The following PSPH variants were observed in gnomAD, a reference collection of about 807,000 sequenced individuals.
PSPH encodes the protein phosphoserine phosphatase.
A neutral mutation model predicts 23.4 loss-of-function variants in PSPH; 16 were observed. The observed-to-expected ratio is 0.68, with a 90% CI of 0.46 to 1.04. The LOEUF (loss-of-function observed/expected upper bound fraction) is 1.04, where lower values mean the gene tolerates loss of function less well. Among genes scored for constraint, PSPH ranks in the 50% least tolerant of loss-of-function variants. The pLI, the probability that PSPH is intolerant of heterozygous loss-of-function variation, is 0.00. For missense variants in PSPH, 223 were observed against 273.7 expected, an observed-to-expected ratio of 0.81 and a Z score of 1.31; for synonymous variants, 68 against 99.7, an observed-to-expected ratio of 0.68 and a Z score of 1.89.
At chr7:56,046,600 C>A (rs1423070218) in intron 1 of PSPH, among the ~76,000 whole-genome samples, 1 of 152,030 alleles carries the variant, frequency 6.6e-6, no homozygotes, top group African/African-American at 2.4e-5. Flanking sequence ...GCCTGGCCAA[C>A]ATGGTGAAGC....
intron 3 of PSPH, among the ~76,000 whole-genome samples, chr7:56,026,277 A>G (rs954514887): frequency 6.6e-6 from 1 of 151,840 alleles, no homozygotes; most frequent in Non-Finnish European, 1.5e-5. Flanking sequence ...GGAGTTCGAG[A>G]CCCGCCTGGC....
intron 6 of PSPH, among the ~76,000 whole-genome samples, chr7:56,015,799 T>C (rs1363677736): frequency 6.6e-6 from 1 of 151,940 alleles, no homozygotes; most frequent in Non-Finnish European, 1.5e-5. Flanking sequence ...GCTGGGATTA[T>C]AGGCGCATGC....
intron 1 of PSPH, among the ~76,000 whole-genome samples, chr7:56,050,312 C>A (rs1466680522): frequency 1.3e-5 from 2 of 152,284 alleles, no homozygotes; most frequent in East Asian, 3.9e-4. Context: ...GTAGCCCAGG[C>A]TGAAGTGCAG....
intron 1 of PSPH, among the ~76,000 whole-genome samples, chr7:56,045,352 A>C (rs1445697659): frequency 6.6e-6 from 1 of 152,054 alleles, no homozygotes; most frequent in East Asian, 1.9e-4. Flanking sequence ...CTCTGCAAAA[A>C]AATTAGCCAG....
intron 1 of PSPH, among the ~76,000 whole-genome samples, chr7:56,048,290 G>GA (rs34876866): frequency 0.026 from 3,323 of 130,084 alleles, 35 homozygotes; most frequent in South Asian, 0.047. Context: ...TAAAAAATTT[G>GA]AAAAAAAAAA....
rs554743544 is a variant in PSPH at position 56,027,154 on chromosome 7, G to A, written c.-20+4775C>T. Among the ~76,000 whole-genome samples the A allele has an allele frequency of 5.3e-5, 8 of 150,606 alleles. No homozygotes were observed. In the East Asian group the frequency reaches 1.4e-3, roughly 26 times the overall value. On this transcript the variant is annotated intron_variant, in intron 3 of 7. Transcript: ENST00000275605. ...CGGGAGGCAGAAGTTGCGGCGAGCC[G>A]AGATTGCGCTATTGCACCCCAGCCT... is the stretch of plus-strand genomic sequence containing the variant.
chr7:56,015,028 G>T lies in PSPH; in HGVS notation c.565C>A (p.Pro189Thr). 1 of 1,613,948 alleles carries T rather than the reference G, an allele frequency of 6.2e-7. No individual in the cohort carries two copies. The highest frequency in any genetic ancestry group is 1.1e-5 in the South Asian group (1 of 91,048). Reference protein sequence around the residue: ...DGATDMEACPPADAFIGFGGN... With the variant: ...DGATDMEACPTADAFIGFGGN... The stretch of plus-strand genomic sequence containing the variant: ...TTAGCACCCTTAATACATACAGCAG[G>T]AGGACAGGCTTCCATATCTGTGGCA... The change falls in exon 7 of 8, where the codon CCT (proline) becomes ACT (threonine). Residue 189 changes from proline to threonine, a missense_variant. Physicochemically the swap from Pro to Thr is conservative, Grantham distance 38 (BLOSUM62 -1). Transcript: ENST00000275605.
At chr7:56,014,941 C>T in intron 7 of PSPH, 82 bp downstream of exon 7, 1 of 1,372,706 alleles carries the variant, frequency 7.3e-7, no homozygotes, top group Non-Finnish European at 9.8e-7. Flanking sequence ...GAAACTCCGT[C>T]TCAAAAAAAA....
intron 1 of PSPH, among the ~76,000 whole-genome samples, chr7:56,035,803 A>G (rs553676975): frequency 6.6e-6 from 1 of 152,104 alleles, no homozygotes; most frequent in African/African-American, 2.4e-5. Flanking sequence ...TATTTTTAGT[A>G]GAGATGGGGT....
Position 56,015,147 on chromosome 7 carries a change from G to C in PSPH, c.446C>G (p.Thr149Arg). 1 of 1,613,872 alleles carries C rather than the reference G, an allele frequency of 6.2e-7. No homozygotes were observed. Among genetic ancestry groups the C allele is most frequent in the Non-Finnish European group, 8.5e-7 (1 of 1,179,970 alleles). The change falls in exon 7 of 8, where the codon ACG becomes AGG. Residue 149 changes from threonine to arginine, a missense_variant. Transcript: ENST00000275605. ...FNGEYAGFDETQPTAESGGKG... is the reference protein window; with the variant it reads ...FNGEYAGFDERQPTAESGGKG... ...TCCACCAGATTCAGCTGTTGGCTGC[G>C]TCTCATCAAAACCTGCATATTCACC...
At chr7:56,047,164 G>A (rs1269852608) in intron 1 of PSPH, among the ~76,000 whole-genome samples, 1 of 151,788 alleles carries the variant, frequency 6.6e-6, no homozygotes, top group African/African-American at 2.4e-5. Flanking sequence ...CAGGAGGACT[G>A]CTTGAGCCCA....
At chr7:56,014,315 G>C (rs1204375040) in intron 7 of PSPH, among the ~76,000 whole-genome samples, 1 of 152,164 alleles carries the variant, frequency 6.6e-6, no homozygotes, top group Non-Finnish European at 1.5e-5. Context: ...AAAAGGTGGT[G>C]CCCATCCTAC....
chr7:56,051,065 G>C (rs1793988487), intron 1 of PSPH, 73 bp downstream of exon 1: 2 of 152,110 alleles, frequency 1.3e-5, no homozygotes. Flanking sequence ...AAAATACCAC[G>C]TGTTACTGAA....
At position 56,025,671 on chromosome 7, in the gene PSPH, G is replaced by A. The variant is rs184908878; in HGVS notation, c.-19-4440C>T. ...TGCAGTGGTGCAATCTCGACTCACT[G>A]CAACCTCCCCATCCCGGGTTCAAGC... On this transcript the variant is annotated intron_variant, in intron 3 of 7. Transcript: ENST00000275605. Among the ~76,000 whole-genome samples, 453 of 152,052 alleles carry A rather than the reference G, an allele frequency of 3.0e-3. 8 individuals carry two copies. Among genetic ancestry groups the A allele is most frequent in the Admixed American group, 0.028 (423 of 15,242 alleles).
intron 4 of PSPH, among the ~76,000 whole-genome samples, chr7:56,020,119 T>C (rs1789145800): frequency 6.6e-6 from 1 of 151,662 alleles, no homozygotes; most frequent in Admixed American, 6.6e-5. Context: ...CTTAGGAGGC[T>C]GAGGCAGGAG....
At position 56,011,689 on chromosome 7, in the gene PSPH, A is replaced by C; in HGVS notation, c.*73T>G. 8.1e-7 allele frequency: 1 copy of C among 1,236,100 alleles called. No individual in the cohort carries two copies. The highest frequency in any genetic ancestry group is 1.7e-5 in the Admixed American group (1 of 58,976). 76.6% of individuals were successfully genotyped at this position (1,236,100 alleles called of 1,614,324 possible). A position where few individuals can be genotyped will look rare whatever the true frequency, so the allele number is the denominator to read the frequency against. Reference sequence around the variant, plus strand: ...ATAGCAAGTTGTAATAGGCAACTGTAAGCAAACAGTATCAATCTGTATAAC... The same window carrying C: ...ATAGCAAGTTGTAATAGGCAACTGTCAGCAAACAGTATCAATCTGTATAAC... On this transcript the variant is annotated 3_prime_UTR_variant, in exon 8 of 8. Coordinates refer to ENST00000275605, the MANE Select transcript of PSPH (RefSeq NM_004577.4).
At chr7:56,027,312 G>T (rs1790343573) in intron 3 of PSPH, among the ~76,000 whole-genome samples, 1 of 152,028 alleles carries the variant, frequency 6.6e-6, no homozygotes, top group Admixed American at 6.6e-5. Context: ...CTCAAAGCCA[G>T]TCCCCAGGGA....
intron 7 of PSPH, among the ~76,000 whole-genome samples, chr7:56,014,693 C>T (rs1007084193): frequency 6.6e-6 from 1 of 152,096 alleles, no homozygotes; most frequent in Non-Finnish European, 1.5e-5. Context: ...CCTGTAATCC[C>T]AGCACTTTGG....
intron 3 of PSPH, among the ~76,000 whole-genome samples, chr7:56,022,991 G>A (rs982730706): frequency 2.6e-5 from 4 of 152,030 alleles, no homozygotes; most frequent in Non-Finnish European, 4.4e-5. Flanking sequence ...CCTGGGAGGC[G>A]GAGATTGCAG....
Sources: gnomAD v4.1 joint callset for allele counts (sites outside exome capture counted in the v4.1 genomes callset) on GRCh38, gnomAD v4.1.1 for gene constraint, MANE v1.5 for transcripts, NCBI Gene and HGNC (gene_info 2026-07-23, HGNC 2026-07-21) for gene names.